DNAAF4: variants seen among roughly 807,000 people sequenced by gnomAD.
The protein encoded by DNAAF4 is dynein assembly factor 4, axonemal.
A neutral mutation model predicts 51.8 loss-of-function variants in DNAAF4; 43 were observed. The observed-to-expected ratio is 0.83, with a 90% confidence interval of 0.65 to 1.07. The LOEUF (loss-of-function observed/expected upper bound fraction) is 1.07, where lower values mean the gene tolerates loss of function less well. DNAAF4 is among the 50% of genes least tolerant of loss of function. The pLI, the probability that DNAAF4 is intolerant of heterozygous loss-of-function variation, is 0.00. For synonymous variants in DNAAF4, 194 were observed against 165.6 expected, an observed-to-expected ratio of 1.17 and a Z score of -1.32; for missense variants, 581 against 493.0, an observed-to-expected ratio of 1.18 and a Z score of -1.69.
At chr15:55,492,051 C>A (rs2058581815) in intron 3 of DNAAF4, among the ~76,000 whole-genome samples, 1 of 151,332 alleles carries the variant, frequency 6.6e-6, no homozygotes, top group Non-Finnish European at 1.5e-5. Flanking sequence ...GAGACGAGGT[C>A]TCACTATATT....
intron 4 of DNAAF4, among the ~76,000 whole-genome samples, chr15:55,479,731 G>T (rs187311505): frequency 6.6e-6 from 1 of 152,170 alleles, no homozygotes; most frequent in Admixed American, 6.5e-5. Flanking sequence ...CTAGGCGGAG[G>T]TCTATAAATG....
chr15:55,478,537 A>C (rs1225920478), intron 4 of DNAAF4, among the ~76,000 whole-genome samples: 1 of 152,204 alleles, frequency 6.6e-6, no homozygotes, highest in African/African-American at 2.4e-5. Flanking sequence ...TAAAGGACCC[A>C]GTCATTATCC....
chr15:55,478,507 GT>G (rs2058365812), intron 4 of DNAAF4, among the ~76,000 whole-genome samples: 1 of 152,128 alleles, frequency 6.6e-6, no homozygotes, highest in East Asian at 1.9e-4. Flanking sequence ...TAGAATGGCA[GT>G]GCCAGTCAAC....
Position 55,467,024 on chromosome 15 carries a change from T to A in DNAAF4, c.543A>T (p.Leu181Phe). The part of the protein sequence containing the change: ...EQKKIQREEK[L>F]CQKEKQIKEE... ...CTTTAATTTGCTTTTCTTTTTGACA[T>A]AATTTCTCTTCTCTCTGAATTTTTT... is the stretch of plus-strand genomic sequence containing the variant. Residue 181 changes from leucine to phenylalanine, a missense_variant, in exon 5 of 10, where the codon TTA becomes TTT. By Grantham distance (22) the Leu-to-Phe change is conservative. Transcript: ENST00000321149. 1 of 1,568,634 alleles carries A rather than the reference T, an allele frequency of 6.4e-7. No individual in the cohort carries two copies. Among genetic ancestry groups the A allele is most frequent in the East Asian group, 2.4e-5 (1 of 42,504 alleles).
At chr15:55,476,981 G>C (rs1276901330) in intron 4 of DNAAF4, among the ~76,000 whole-genome samples, 1 of 152,078 alleles carries the variant, frequency 6.6e-6, no homozygotes, top group Non-Finnish European at 1.5e-5. Context: ...GACCAGCCTG[G>C]CCAACATGGT....
chr15:55,431,359 TAC>T (rs34741079), intron 9 of DNAAF4, among the ~76,000 whole-genome samples: 55,243 of 149,218 alleles, frequency 0.37, 10,639 homozygotes, highest in South Asian at 0.51. Flanking sequence ...GGTGTGTGTA[TAC>T]ACACACACAC....
Position 55,440,369 on chromosome 15 carries a change from C to T in DNAAF4, c.784-788G>A, listed in dbSNP as rs1432791226. 2.0e-5 allele frequency among the ~76,000 whole-genome samples: 3 copies of T among 148,046 alleles called. 1 individual carries two copies. The highest frequency in any genetic ancestry group is 7.5e-5 in the African/African-American group (3 of 39,988). On this transcript the variant is annotated intron_variant, in intron 6 of 9. Coordinates refer to ENST00000321149, the MANE Select transcript of DNAAF4 (RefSeq NM_130810.4). ...CCTGGCCAATGATGGTGATTTTAAT[C>T]TTGCAATATTTATATATATATATTT...
intron 5 of DNAAF4, among the ~76,000 whole-genome samples, chr15:55,462,058 A>G (rs1408285054): frequency 6.6e-6 from 1 of 152,198 alleles, no homozygotes; most frequent in African/African-American, 2.4e-5. Context: ...CTCAACCTAG[A>G]AGGAATTAAA....
chr15:55,448,853 G>C lies in DNAAF4; in HGVS notation c.783+1369C>G, dbSNP rs542122778. ...CCACTGCACTCCAGCCTAGGGGACA[G>C]AGCGAGACTCCATCCCACAAAATAA... is the stretch of plus-strand genomic sequence containing the variant. On this transcript the variant is annotated intron_variant, in intron 6 of 9. Transcript: ENST00000321149. 2.5e-4 allele frequency among the ~76,000 whole-genome samples: 38 copies of C among 151,372 alleles called. 1 individual carries two copies. The highest frequency in any genetic ancestry group is 9.2e-4 in the African/African-American group (38 of 41,238).
chr15:55,505,816 A>G (rs1365184577), intron 1 of DNAAF4, among the ~76,000 whole-genome samples: 1 of 152,206 alleles, frequency 6.6e-6, no homozygotes, highest in African/African-American at 2.4e-5. Flanking sequence ...TACCTAATGT[A>G]AGTGACAAGT....
chr15:55,451,377 C>T (rs965219902), intron 5 of DNAAF4, among the ~76,000 whole-genome samples: 1 of 152,114 alleles, frequency 6.6e-6, no homozygotes, highest in Non-Finnish European at 1.5e-5. Context: ...AATACAAGAT[C>T]CCAATAATTT....
Position 55,457,731 on chromosome 15 carries a change from A to G in DNAAF4, c.638-7364T>C, listed in dbSNP as rs553964286. 2.0e-5 allele frequency among the ~76,000 whole-genome samples: 3 copies of G among 152,312 alleles called. No homozygotes were observed. In the East Asian group the frequency reaches 5.8e-4, roughly 29 times the overall value. ...CTGAATCTGTCCACGTGACAACTTCACTGCTTACATAACCAGTACTTGAAG... is the reference window on the plus strand; with the variant it reads ...CTGAATCTGTCCACGTGACAACTTCGCTGCTTACATAACCAGTACTTGAAG... On this transcript the variant is annotated intron_variant, in intron 5 of 9. Coordinates refer to ENST00000321149, the MANE Select transcript of DNAAF4 (RefSeq NM_130810.4).
At chr15:55,501,779 A>G (rs1418680543) in intron 1 of DNAAF4, among the ~76,000 whole-genome samples, 1 of 149,438 alleles carries the variant, frequency 6.7e-6, no homozygotes, top group Non-Finnish European at 1.5e-5. Flanking sequence ...GGGGTGGCTC[A>G]CGCCTGTAAT....
At chr15:55,504,757 T>C (rs1246452037) in intron 1 of DNAAF4, among the ~76,000 whole-genome samples, 2 of 152,156 alleles carry the variant, frequency 1.3e-5, no homozygotes, top group African/African-American at 2.4e-5. Flanking sequence ...TTACACCTTA[T>C]ACAAAAATTA....
rs916956630 is a variant in DNAAF4 at position 55,508,111 on chromosome 15, G to C, written c.-256+11C>G. 1 of 152,116 alleles carries C rather than the reference G, an allele frequency of 6.6e-6. No individual in the cohort carries two copies. Among genetic ancestry groups the C allele is most frequent in the Non-Finnish European group, 1.5e-5 (1 of 68,024 alleles). 9.4% of individuals were successfully genotyped at this position (152,116 alleles called of 1,614,324 possible). A position where few individuals can be genotyped will look rare whatever the true frequency, so the allele number is the denominator to read the frequency against. Reference sequence around the variant, plus strand: ...AAGGGATGAGTTTTACTGGGGAAAGGGGAAACTTACAAAACCAAGAGAAAA... The same window carrying C: ...AAGGGATGAGTTTTACTGGGGAAAGCGGAAACTTACAAAACCAAGAGAAAA... On this transcript the variant is annotated intron_variant, in intron 1 of 9. Transcript: ENST00000321149.
intron 6 of DNAAF4, among the ~76,000 whole-genome samples, chr15:55,444,111 C>T (rs993498173): frequency 6.6e-6 from 1 of 152,028 alleles, no homozygotes; most frequent in Non-Finnish European, 1.5e-5. Flanking sequence ...GACATGAAGT[C>T]CTTGCCCATG....
chr15:55,498,334 G>A lies in DNAAF4; in HGVS notation c.-5C>T, dbSNP rs369481986. ...ATCGCTAACCTGAAGAGGCATTCCGGTAGCAACGGGAGCGGATAGCGCGGC... is the reference window on the plus strand; with the variant it reads ...ATCGCTAACCTGAAGAGGCATTCCGATAGCAACGGGAGCGGATAGCGCGGC... On this transcript the variant is annotated 5_prime_UTR_variant, in exon 2 of 10. Coordinates refer to ENST00000321149, the MANE Select transcript of DNAAF4 (RefSeq NM_130810.4). 15 of 1,598,250 alleles carry A rather than the reference G, an allele frequency of 9.4e-6. No homozygotes were observed. Among genetic ancestry groups the A allele is most frequent in the Middle Eastern group, 3.3e-4 (2 of 6,006 alleles).
chr15:55,418,644 C>A (rs1050649487), intron 7 of DNAAF4: 2 of 1,005,420 alleles, frequency 2.0e-6, no homozygotes, highest in Admixed American at 3.4e-5. Flanking sequence ...GGTAGAATAC[C>A]TAATAAAGAA....
intron 6 of DNAAF4, among the ~76,000 whole-genome samples, chr15:55,439,892 G>A (rs905656531): frequency 1.3e-5 from 2 of 152,054 alleles, no homozygotes; most frequent in African/African-American, 2.4e-5. Context: ...TGAGAAAGTG[G>A]GTGTCCGCAA....
Sources: allele counts gnomAD v4.1 joint callset (sites outside exome capture counted in the v4.1 genomes callset), GRCh38; gene constraint gnomAD v4.1.1; transcripts MANE v1.5; gene names NCBI Gene and HGNC (gene_info 2026-07-23, HGNC 2026-07-21).